RAP2A: variants seen among roughly 807,000 people sequenced by gnomAD.
RAP2A encodes ras-related protein Rap-2a.
Under a neutral mutation model 15.1 loss-of-function variants are expected in RAP2A, and 5 were observed. The observed-to-expected ratio is 0.33, with a 90% CI of 0.17 to 0.70. The LOEUF is 0.70. RAP2A is among the 30% of genes least tolerant of loss of function. The probability of loss-of-function intolerance (pLI) is 0.68; values close to 1 mark genes in which losing one functional copy is unlikely to be tolerated. For synonymous variants in RAP2A, 110 were observed against 99.7 expected (o/e 1.10, Z -0.62); for missense variants, 111 against 240.3 (o/e 0.46, Z 3.56).
chr13:97,442,161 A>C (rs2066660421), intron 1 of RAP2A, among the ~76,000 whole-genome samples: 1 of 152,160 alleles, frequency 6.6e-6, no homozygotes, highest in African/African-American at 2.4e-5. Flanking sequence ...TGTTAAATAA[A>C]GCATAAATAT....
At chr13:97,450,671 GAATC>G (rs1432526583) in intron 1 of RAP2A, among the ~76,000 whole-genome samples, 3 of 150,046 alleles carry the variant, frequency 2.0e-5, no homozygotes, top group Non-Finnish European at 4.4e-5. Flanking sequence ...AAAAAAAAAA[GAATC>G]AATTAGTTTA....
Position 97,434,545 on chromosome 13 carries a change from C to T in RAP2A, c.75C>T (p.Thr25=), listed in dbSNP as rs1448593397. ...CCGCCCTGACCGTGCAGTTCGTGAC[C>T]GGCACCTTCATCGAGAAATACGACC... ...GKSALTVQFV[T]GTFIEKYDPT... Residue 25 remains threonine, a synonymous_variant, in exon 1 of 2, where the codon ACC becomes ACT. Transcript: ENST00000245304. The T allele has an allele frequency of 3.7e-6, 6 of 1,613,852 alleles. No homozygotes were observed. The African/African-American group carries it at 6.7e-5, about 18-fold the overall frequency.
intron 1 of RAP2A, among the ~76,000 whole-genome samples, chr13:97,447,587 A>G (rs981385025): frequency 3.3e-5 from 5 of 152,234 alleles, no homozygotes; most frequent in African/African-American, 7.2e-5. Flanking sequence ...CATCAAATCA[A>G]TTTAAGCATT....
chr13:97,439,779 C>G (rs955959698), intron 1 of RAP2A, among the ~76,000 whole-genome samples: 5 of 152,040 alleles, frequency 3.3e-5, no homozygotes, highest in African/African-American at 4.8e-5. Flanking sequence ...GGATAGAACT[C>G]GAGAGTTGTA....
chr13:97,462,266 T>C (rs1335643130), intron 1 of RAP2A, among the ~76,000 whole-genome samples: 2 of 152,008 alleles, frequency 1.3e-5, no homozygotes, highest in African/African-American at 2.4e-5. Context: ...TAAAGTACAC[T>C]GTGATGTATA....
Position 97,447,173 on chromosome 13 carries a change from C to G in RAP2A, c.314+12389C>G, listed in dbSNP as rs559720626. Among the ~76,000 whole-genome samples, 28 of 152,242 alleles carry G rather than the reference C, an allele frequency of 1.8e-4. 2 individuals carry two copies. In the South Asian group the frequency reaches 5.8e-3, roughly 32 times the overall value. ...CAACTGCCCTTGCAATTGATCTACC[C>G]GATGTCATTTGACCACTCTCACCCA... On this transcript the variant is annotated intron_variant, in intron 1 of 1. Coordinates refer to ENST00000245304, the MANE Select transcript of RAP2A (RefSeq NM_021033.7).
chr13:97,445,265 C>T (rs1428526961), intron 1 of RAP2A, among the ~76,000 whole-genome samples: 3 of 152,316 alleles, frequency 2.0e-5, no homozygotes, highest in East Asian at 3.9e-4. Context: ...GATCCACTTA[C>T]ACTCCACTGC....
chr13:97,436,097 A>ATT (rs1261243986), intron 1 of RAP2A: 3 of 152,220 alleles, frequency 2.0e-5, no homozygotes, highest in Non-Finnish European at 4.4e-5. Context: ...TTAATCGCTG[A>ATT]ACTAAAATCG....
At chr13:97,440,292 A>G (rs1212999061) in intron 1 of RAP2A, among the ~76,000 whole-genome samples, 1 of 152,054 alleles carries the variant, frequency 6.6e-6, no homozygotes, top group Non-Finnish European at 1.5e-5. Flanking sequence ...TTTTAATAAT[A>G]AATATATATA....
At chr13:97,452,325 G>A (rs751473492) in intron 1 of RAP2A, among the ~76,000 whole-genome samples, 1 of 150,894 alleles carries the variant, frequency 6.6e-6, no homozygotes, top group Non-Finnish European at 1.5e-5. Flanking sequence ...CAGGGGATTT[G>A]TTTGTTTTGT....
chr13:97,455,689 A>G (rs1430605612), intron 1 of RAP2A, among the ~76,000 whole-genome samples: 1 of 151,438 alleles, frequency 6.6e-6, no homozygotes, highest in Non-Finnish European at 1.5e-5. Context: ...ATTGTAGTTC[A>G]GTTCTTTAAC....
chr13:97,436,396 C>T (rs1354318306), intron 1 of RAP2A, among the ~76,000 whole-genome samples: 1 of 152,036 alleles, frequency 6.6e-6, no homozygotes. Context: ...TGATACATTG[C>T]CACATGTCAA....
intron 1 of RAP2A, among the ~76,000 whole-genome samples, chr13:97,452,295 G>T (rs1466861639): frequency 6.6e-6 from 1 of 150,950 alleles, no homozygotes; most frequent in African/African-American, 2.4e-5. Context: ...AATTTGTACG[G>T]GTGGTGTGAG....
At chr13:97,452,329 G>C (rs1212204711) in intron 1 of RAP2A, among the ~76,000 whole-genome samples, 1 of 150,904 alleles carries the variant, frequency 6.6e-6, no homozygotes, top group African/African-American at 2.4e-5. Flanking sequence ...GGATTTGTTT[G>C]TTTTGTTTTG....
At chr13:97,456,283 C>T (rs147422134) in intron 1 of RAP2A, among the ~76,000 whole-genome samples, 28 of 143,942 alleles carry the variant, frequency 1.9e-4, no homozygotes, top group Admixed American at 8.8e-4. Flanking sequence ...AAAAAAAAAA[C>T]GGGAAAACCA....
At position 97,435,268 on chromosome 13, in the gene RAP2A, G is replaced by A. The variant is rs1594320636; in HGVS notation, c.314+484G>A. ...CGTTAAAGGTTTATGGTTCCAAGGCGTTTTACAAAAATTAAGTCTCTAATT... is the reference window on the plus strand; with the variant it reads ...CGTTAAAGGTTTATGGTTCCAAGGCATTTTACAAAAATTAAGTCTCTAATT... On this transcript the variant is annotated intron_variant, in intron 1 of 1. Transcript: ENST00000245304. 3.9e-5 allele frequency among the ~76,000 whole-genome samples: 6 copies of A among 152,030 alleles called. No homozygotes were observed. The East Asian group carries it at 1.2e-3, about 29-fold the overall frequency.
chr13:97,438,427 A>C (rs1036219331), intron 1 of RAP2A, among the ~76,000 whole-genome samples: 6 of 152,182 alleles, frequency 3.9e-5, no homozygotes, highest in Non-Finnish European at 8.8e-5. Context: ...CTTTTTGCAG[A>C]GTTAATTCCT....
intron 1 of RAP2A, among the ~76,000 whole-genome samples, chr13:97,459,092 C>T (rs1323187070): frequency 2.0e-5 from 3 of 151,974 alleles, no homozygotes; most frequent in Non-Finnish European, 4.4e-5. Context: ...GCTGGTCATG[C>T]CCTTAAAGGA....
Position 97,457,449 on chromosome 13 carries a change from C to T in RAP2A, c.315-6756C>T, listed in dbSNP as rs562137818. Among the ~76,000 whole-genome samples the T allele has an allele frequency of 1.8e-3, 278 of 151,664 alleles. 1 individual carries two copies. The highest frequency in any genetic ancestry group is 6.1e-3 in the African/African-American group (251 of 41,374). ...ATGGAATGCTACCTAGCCATTAATA[C>T]GATACATATTATTAAAGTGGAAAGC... On this transcript the variant is annotated intron_variant, in intron 1 of 1. Transcript: ENST00000245304.
Sources: gnomAD v4.1 joint callset for allele counts (sites outside exome capture counted in the v4.1 genomes callset) on GRCh38, gnomAD v4.1.1 for gene constraint, MANE v1.5 for transcripts, NCBI Gene and HGNC (gene_info 2026-07-23, HGNC 2026-07-21) for gene names.